HEATR5A: variants seen among roughly 807,000 people sequenced by gnomAD.
HEATR5A encodes HEAT repeat-containing protein 5A.
Under a neutral mutation model 218.8 loss-of-function variants are expected in HEATR5A, and 178 were observed. The ratio of observed to expected loss-of-function variants is 0.81; its 90% CI spans 0.72 to 0.92. The LOEUF (loss-of-function observed/expected upper bound fraction) is 0.92, where lower values mean the gene tolerates loss of function less well. HEATR5A is among the 40% of genes least tolerant of loss of function. The pLI is 0.00. For missense variants in HEATR5A, 2,420 were observed against 2,418.9 expected, an observed-to-expected ratio of 1.00 and a Z score of -0.01; for synonymous variants, 864 against 871.6, an observed-to-expected ratio of 0.99 and a Z score of 0.15.
In HEATR5A at chr14:31,386,441, A is replaced by C. The variant is rs956483884; in HGVS notation, c.1324T>G (p.Leu442Val). 1.9e-6 allele frequency: 3 copies of C among 1,613,710 alleles called. No individual in the cohort carries two copies. The African/African-American group carries it at 4.0e-5, about 22-fold the overall frequency. Residue 442 changes from leucine to valine, a missense_variant, in exon 9 of 36, where the codon TTG becomes GTG. Transcript: ENST00000543095. ...ATACCTGTACTTGAATCCTGTAGCA[A>C]AGGTGCCGCTGTGGTGCCAAGATTG... ...IHNLGTTAAP[L>V]LQDSSTGLLD...
intron 33 of HEATR5A, among the ~76,000 whole-genome samples, chr14:31,300,006 A>AG (rs1899317417): frequency 6.6e-6 from 1 of 152,186 alleles, no homozygotes; most frequent in Non-Finnish European, 1.5e-5. Flanking sequence ...ATTGCACTCC[A>AG]GCCTGGGCAA....
At chr14:31,329,733 G>C (rs1900399515) in intron 22 of HEATR5A, among the ~76,000 whole-genome samples, 1 of 152,084 alleles carries the variant, frequency 6.6e-6, no homozygotes, top group African/African-American at 2.4e-5. Flanking sequence ...ATTTTTTTGA[G>C]ATGGAGTCTC....
At chr14:31,382,248 A>G (rs1028317080) in intron 10 of HEATR5A, among the ~76,000 whole-genome samples, 1 of 152,230 alleles carries the variant, frequency 6.6e-6, no homozygotes, top group Non-Finnish European at 1.5e-5. Flanking sequence ...TATAACTAAA[A>G]TAATAAATTT....
intron 11 of HEATR5A, among the ~76,000 whole-genome samples, chr14:31,375,348 G>A (rs956082619): frequency 2.0e-5 from 3 of 152,126 alleles, no homozygotes; most frequent in Non-Finnish European, 4.4e-5. Context: ...AGCTGTAATG[G>A]ACCACATAAA....
At chr14:31,320,621 C>T in intron 25 of HEATR5A, 1 of 700,372 alleles carries the variant, frequency 1.4e-6, no homozygotes, top group South Asian at 1.4e-5. Context: ...GAGTAATACC[C>T]CGGTGGTCTG....
At chr14:31,322,066 C>A (rs1207787132) in intron 24 of HEATR5A, among the ~76,000 whole-genome samples, 1 of 152,124 alleles carries the variant, frequency 6.6e-6, no homozygotes, top group East Asian at 1.9e-4. Flanking sequence ...GAAGCTAAGA[C>A]ATAATGTTCC....
At chr14:31,418,240 G>C (rs919985536) in intron 1 of HEATR5A, among the ~76,000 whole-genome samples, 5 of 151,942 alleles carry the variant, frequency 3.3e-5, no homozygotes, top group African/African-American at 9.7e-5. Context: ...ACAAACAGAA[G>C]AATTAAAACT....
At chr14:31,376,734 T>A (rs2139264347) in intron 11 of HEATR5A, among the ~76,000 whole-genome samples, 1 of 152,084 alleles carries the variant, frequency 6.6e-6, no homozygotes, top group Non-Finnish European at 1.5e-5. Context: ...AGTGAAATAA[T>A]GAAGAAAATT....
At chr14:31,398,638 C>T (rs961538662) in intron 4 of HEATR5A, 35 bp downstream of exon 4, 5 of 1,165,924 alleles carry the variant, frequency 4.3e-6, no homozygotes, top group African/African-American at 1.5e-5. Context: ...AAAATGCTGT[C>T]TTTTCATTCT....
chr14:31,301,808 CTTTTTT>C (rs35947008), intron 33 of HEATR5A, among the ~76,000 whole-genome samples: 9 of 82,492 alleles, frequency 1.1e-4, no homozygotes, highest in African/African-American at 4.3e-4. Context: ...ACACAGCTTT[CTTTTTT>C]TTTTTTTTTT....
At chr14:31,381,034 G>C (rs1363446679) in intron 10 of HEATR5A, among the ~76,000 whole-genome samples, 2 of 152,050 alleles carry the variant, frequency 1.3e-5, no homozygotes, top group African/African-American at 2.4e-5. Flanking sequence ...GGATCACAAA[G>C]TCAGGAGATC....
At chr14:31,327,286 CTTTTTTT>C (rs71951930) in intron 22 of HEATR5A, among the ~76,000 whole-genome samples, 143 of 45,180 alleles carry the variant, frequency 3.2e-3, no homozygotes, top group African/African-American at 8.1e-3. Context: ...TCCAGTGGCA[CTTTTTTT>C]TTTTTTTTTT....
At chr14:31,400,603 T>A in intron 2 of HEATR5A, 91 bp from the exon 3 acceptor site, 1 of 836,804 alleles carries the variant, frequency 1.2e-6, no homozygotes, top group Non-Finnish European at 1.8e-6. Context: ...ATTTAAGAAC[T>A]AAAAAGGCTC....
At position 31,309,193 on chromosome 14, in the gene HEATR5A, C is replaced by T; in HGVS notation, c.4442-11G>A. On this transcript the variant is annotated splice_polypyrimidine_tract_variant and intron_variant, in intron 28 of 35. Transcript: ENST00000543095. Reference sequence around the variant, plus strand: ...TGTAGAAAGCACCACCTAAAGCAAACAGTTTCAGGAAAAATAAGAGATTAA... The same window carrying T: ...TGTAGAAAGCACCACCTAAAGCAAATAGTTTCAGGAAAAATAAGAGATTAA... 1.2e-6 allele frequency: 2 copies of T among 1,605,968 alleles called. No homozygotes were observed. The highest frequency in any genetic ancestry group is 8.5e-7 in the Non-Finnish European group (1 of 1,175,164).
At chr14:31,406,405 C>T (rs548290156) in intron 1 of HEATR5A, among the ~76,000 whole-genome samples, 236 of 152,322 alleles carry the variant, frequency 1.5e-3, no homozygotes, top group Middle Eastern at 6.8e-3. Context: ...ATATTTACTG[C>T]TTACTTATTA....
chr14:31,311,334 G>A (rs1265746365), intron 28 of HEATR5A, among the ~76,000 whole-genome samples: 1 of 152,050 alleles, frequency 6.6e-6, no homozygotes, highest in Non-Finnish European at 1.5e-5. Context: ...AAGCTTGTAT[G>A]TCTTTATGAT....
chr14:31,305,280 T>G lies in HEATR5A; in HGVS notation c.4967-103A>C, dbSNP rs895472670. On this transcript the variant is annotated intron_variant, in intron 31 of 35. Coordinates refer to ENST00000543095, the MANE Select transcript of HEATR5A (RefSeq NM_015473.4). Reference sequence around the variant, plus strand: ...AGGAAATACATGTATTTTATTTTTTTGAGACAGAGTCTCGCTCTGTCACAC... The same window carrying G: ...AGGAAATACATGTATTTTATTTTTTGGAGACAGAGTCTCGCTCTGTCACAC... The G allele has an allele frequency of 1.4e-5, 17 of 1,229,196 alleles. No individual in the cohort carries two copies. The Middle Eastern group carries it at 5.7e-4, about 41-fold the overall frequency. 76.1% of individuals were successfully genotyped at this position (1,229,196 alleles called of 1,614,324 possible). A position where few individuals can be genotyped will look rare whatever the true frequency, so the allele number is the denominator to read the frequency against.
chr14:31,302,258 A>T, intron 33 of HEATR5A, 37 bp downstream of exon 33: 1 of 1,445,524 alleles, frequency 6.9e-7, no homozygotes, highest in Non-Finnish European at 9.5e-7. Flanking sequence ...CTCACTTTTT[A>T]AGACAAACTG....
chr14:31,400,393 A>G lies in HEATR5A; in HGVS notation c.246T>C (p.Ile82=). Residue 82 remains isoleucine (I), a synonymous_variant, in exon 3 of 36, where the codon ATT becomes ATC. Coordinates refer to ENST00000543095, the MANE Select transcript of HEATR5A (RefSeq NM_015473.4). ...CTTCATGAACGGAGAATGTGTCTCC[A>G]ATACTATAAAGTATGGCTAGATTCT... The part of the protein sequence containing the change: ...LAKNLAILYS[I]GDTFSVHEAI... The G allele has an allele frequency of 6.5e-7, 1 of 1,535,782 alleles. No individual in the cohort carries two copies. Among genetic ancestry groups the G allele is most frequent in the Non-Finnish European group, 8.7e-7 (1 of 1,146,622 alleles).
Sources: allele counts gnomAD v4.1 joint callset (sites outside exome capture counted in the v4.1 genomes callset), GRCh38; gene constraint gnomAD v4.1.1; transcripts MANE v1.5; gene names NCBI Gene and HGNC (gene_info 2026-07-23, HGNC 2026-07-21).